The following PLCB4 variants were observed in gnomAD, a reference collection of about 807,000 sequenced individuals.
PLCB4 encodes phospholipase C beta 4.
PLCB4 carries 77 observed loss-of-function variants against 178.8 expected under a neutral mutation model. That is an observed-to-expected ratio of 0.43 (90% CI 0.36 to 0.52). PLCB4 has a LOEUF of 0.52. Among genes scored for constraint, PLCB4 ranks in the 20% least tolerant of loss-of-function variants. The probability of loss-of-function intolerance (pLI) is 0.00; values close to 1 mark genes in which losing one functional copy is unlikely to be tolerated. For synonymous variants in PLCB4, 496 were observed against 490.8 expected (o/e 1.01, Z -0.14); for missense variants, 1,024 against 1,453.4 (o/e 0.70, Z 4.80).
At chr20:9,409,293 G>T in intron 24 of PLCB4, 112 bp downstream of exon 24, 2 of 745,736 alleles carry the variant, frequency 2.7e-6, no homozygotes, top group Non-Finnish European at 4.1e-6. Flanking sequence ...CAGACATATG[G>T]CAAAGCAATG....
intron 28 of PLCB4, 114 bp from the exon 29 acceptor site, chr20:9,435,446 T>A: frequency 1.6e-6 from 1 of 626,966 alleles, no homozygotes; most frequent in South Asian, 2.4e-5. Context: ...AGGAAAAGAT[T>A]ATTAACAGAA....
chr20:9,186,218 G>A (rs2093326561), intron 2 of PLCB4, among the ~76,000 whole-genome samples: 1 of 152,104 alleles, frequency 6.6e-6, no homozygotes, highest in African/African-American at 2.4e-5. Flanking sequence ...AAATCCTAAA[G>A]CCATTCTTTT....
At chr20:9,301,609 A>T (rs1447711632) in intron 3 of PLCB4, among the ~76,000 whole-genome samples, 1 of 152,120 alleles carries the variant, frequency 6.6e-6, no homozygotes, top group African/African-American at 2.4e-5. Context: ...CCCCAACCGA[A>T]TGGATAGAAG....
intron 12 of PLCB4, among the ~76,000 whole-genome samples, chr20:9,378,016 G>A (rs531827553): frequency 1.4e-4 from 21 of 152,262 alleles, no homozygotes; most frequent in African/African-American, 4.6e-4. Context: ...CTAGCAAGTT[G>A]ACAGGTGTTG....
At chr20:9,109,380 A>C (rs982381816) in intron 2 of PLCB4, among the ~76,000 whole-genome samples, 2 of 152,156 alleles carry the variant, frequency 1.3e-5, no homozygotes, top group Admixed American at 6.5e-5. Context: ...CAGTCTCCCT[A>C]TTTGAGAAGG....
chr20:9,341,148 T>A lies in PLCB4; in HGVS notation c.369+2111T>A, dbSNP rs113493748. On this transcript the variant is annotated intron_variant, in intron 7 of 39. Coordinates refer to ENST00000378473, the MANE Select transcript of PLCB4 (RefSeq NM_001377142.1). ...TGGGGAGATGGCTCAAATCAGTAAA[T>A]CCCATAATGTTTTTGCTTTCCATAA... Among the ~76,000 whole-genome samples, 26 of 152,160 alleles carry A rather than the reference T, an allele frequency of 1.7e-4. 1 individual carries two copies. Among genetic ancestry groups the A allele is most frequent in the Admixed American group, 1.1e-3 (17 of 15,262 alleles).
chr20:9,429,960 G>C (rs181575902), intron 28 of PLCB4, among the ~76,000 whole-genome samples: 4 of 152,078 alleles, frequency 2.6e-5, no homozygotes, highest in African/African-American at 9.7e-5. Context: ...CTAGAAAGGG[G>C]TATCCAATCT....
chr20:9,186,958 G>T (rs754260957), intron 2 of PLCB4, among the ~76,000 whole-genome samples: 2 of 151,728 alleles, frequency 1.3e-5, no homozygotes, highest in African/African-American at 4.8e-5. Context: ...TTCCCTACCT[G>T]TTGTTTTATT....
chr20:9,296,696 A>C (rs534607235), intron 3 of PLCB4, among the ~76,000 whole-genome samples: 1 of 152,204 alleles, frequency 6.6e-6, no homozygotes, highest in Non-Finnish European at 1.5e-5. Context: ...GGATGAGTTC[A>C]TGTCCTTTGT....
At chr20:9,080,383 A>G (rs1483255797) in intron 1 of PLCB4, among the ~76,000 whole-genome samples, 1 of 151,788 alleles carries the variant, frequency 6.6e-6, no homozygotes, top group Non-Finnish European at 1.5e-5. Context: ...AATTGTGTGC[A>G]GTAAGAAACC....
At chr20:9,195,047 C>A (rs2093454074) in intron 2 of PLCB4, among the ~76,000 whole-genome samples, 1 of 152,180 alleles carries the variant, frequency 6.6e-6, no homozygotes, top group Non-Finnish European at 1.5e-5. Context: ...GAAACTATTT[C>A]ATTTTTAGTC....
intron 4 of PLCB4, among the ~76,000 whole-genome samples, chr20:9,335,333 A>G (rs1360630324): frequency 1.3e-5 from 2 of 151,938 alleles, no homozygotes; most frequent in African/African-American, 4.8e-5. Flanking sequence ...GTCCCATCAC[A>G]CCCCCTGTCA....
intron 3 of PLCB4, among the ~76,000 whole-genome samples, chr20:9,305,407 T>C (rs2094754349): frequency 6.6e-6 from 1 of 152,122 alleles, no homozygotes; most frequent in South Asian, 2.1e-4. Flanking sequence ...AGTATCTCTG[T>C]TCCCTTCCCA....
rs778491019 is a variant in PLCB4 at position 9,389,917 on chromosome 20, A to G, written c.1197A>G (p.Thr399=). ...CCATCAAGGAAACTGCATTTGTCAC[A>G]TCAGAATATCCTGTAATTCTCTCCT... is the stretch of plus-strand genomic sequence containing the variant. ...IQAIKETAFV[T]SEYPVILSFE... The change falls in exon 16 of 40, where the codon ACA becomes ACG. Residue 399 remains threonine, a synonymous_variant. Transcript: ENST00000378473. The G allele has an allele frequency of 4.4e-6, 7 of 1,586,228 alleles. 1 individual carries two copies. The highest frequency in any genetic ancestry group is 2.2e-5 in the South Asian group (2 of 90,488).
At chr20:9,310,631 G>C (rs2094821516) in intron 4 of PLCB4, among the ~76,000 whole-genome samples, 1 of 152,006 alleles carries the variant, frequency 6.6e-6, no homozygotes, top group Non-Finnish European at 1.5e-5. Context: ...AGAATCGCTT[G>C]AACCCAAGAG....
chr20:9,300,698 C>G (rs1353116928), intron 3 of PLCB4, among the ~76,000 whole-genome samples: 1 of 152,120 alleles, frequency 6.6e-6, no homozygotes, highest in Non-Finnish European at 1.5e-5. Context: ...GTACTTTTCT[C>G]TCTGTCTTCC....
At chr20:9,295,530 G>A (rs1299499687) in intron 3 of PLCB4, among the ~76,000 whole-genome samples, 1 of 152,048 alleles carries the variant, frequency 6.6e-6, no homozygotes, top group East Asian at 1.9e-4. Flanking sequence ...GCTCTTTGCT[G>A]CCCTTAGTAA....
chr20:9,340,498 T>C (rs577472281), intron 7 of PLCB4, among the ~76,000 whole-genome samples: 97 of 152,298 alleles, frequency 6.4e-4, no homozygotes, highest in African/African-American at 2.3e-3. Context: ...CGATGTCACA[T>C]AAGAGTGTTT....
chr20:9,074,482 T>G (rs2089733806), intron 1 of PLCB4, among the ~76,000 whole-genome samples: 1 of 152,218 alleles, frequency 6.6e-6, no homozygotes, highest in Non-Finnish European at 1.5e-5. Flanking sequence ...GGCTCTCATC[T>G]TGTTCTCTTT....
Sources: gnomAD v4.1 joint callset for allele counts (sites outside exome capture counted in the v4.1 genomes callset) on GRCh38, gnomAD v4.1.1 for gene constraint, MANE v1.5 for transcripts, NCBI Gene and HGNC (gene_info 2026-07-23, HGNC 2026-07-21) for gene names.